Variants in ANKRD54 observed in about 807,000 individuals in gnomAD.
The protein encoded by ANKRD54 is ankyrin repeat domain-containing protein 54.
In ANKRD54, 26 loss-of-function variants were observed where a neutral mutation model predicts 36.2. The observed-to-expected ratio is 0.72, with a 90% CI of 0.53 to 1.00. The LOEUF (loss-of-function observed/expected upper bound fraction) is 1.00. Among genes scored for constraint, ANKRD54 ranks in the 50% least tolerant of loss-of-function variants. ANKRD54 has a pLI of 0.00. For synonymous variants in ANKRD54, 209 were observed against 188.4 expected, an observed-to-expected ratio of 1.11 and a Z score of -0.89; for missense variants, 384 against 424.3, an observed-to-expected ratio of 0.91 and a Z score of 0.83.
intron 1 of ANKRD54, among the ~76,000 whole-genome samples, chr22:37,841,635 G>T (rs1027964757): frequency 6.6e-6 from 1 of 151,870 alleles, no homozygotes. Context: ...GGATCACGAG[G>T]TCAGGAGTTT....
chr22:37,835,572 C>A (rs886262970), intron 3 of ANKRD54, among the ~76,000 whole-genome samples: 2 of 152,228 alleles, frequency 1.3e-5, no homozygotes, highest in Admixed American at 1.3e-4. Context: ...TTTGGGAGGC[C>A]AAGGTGACAG....
At chr22:37,840,749 G>A (rs1323411704) in intron 1 of ANKRD54, among the ~76,000 whole-genome samples, 1 of 151,464 alleles carries the variant, frequency 6.6e-6, no homozygotes, top group East Asian at 2.0e-4. Context: ...TTAGCCGGGT[G>A]TGGTGCACAT....
chr22:37,839,432 G>A (rs1166736897), intron 2 of ANKRD54, among the ~76,000 whole-genome samples: 1 of 152,102 alleles, frequency 6.6e-6, no homozygotes, highest in Admixed American at 6.6e-5. Context: ...CTGTCGCGCA[G>A]GCTAGAGTGC....
chr22:37,846,274 T>C (rs921181329), upstream of ANKRD54, among the ~76,000 whole-genome samples: 1 of 152,172 alleles, frequency 6.6e-6, no homozygotes, highest in African/African-American at 2.4e-5. Context: ...CATTGTACTA[T>C]ATGGAAAAAA....
intron 1 of ANKRD54, among the ~76,000 whole-genome samples, chr22:37,842,284 G>A (rs534748809): frequency 1.4e-4 from 21 of 152,266 alleles, no homozygotes; most frequent in African/African-American, 4.8e-4. Context: ...AGTGCCCTGG[G>A]AACAAGGAGA....
upstream of ANKRD54, chr22:37,849,339 A>G (rs768890968): frequency 7.1e-7 from 1 of 1,412,438 alleles, no homozygotes; most frequent in Admixed American, 1.7e-5. Context: ...AGGCCTCGGA[A>G]AGGCTTCCGG....
Position 37,838,518 on chromosome 22 carries a change from T to C in ANKRD54, c.457A>G (p.Asn153Asp). Residue 153 changes from asparagine to aspartate, a missense_variant, in exon 3 of 8, where the codon AAT (asparagine) becomes GAT (aspartate). Coordinates refer to ENST00000215941, the MANE Select transcript of ANKRD54 (RefSeq NM_138797.4). ...GACTCACCAATCTGGTCATTGCCATTGCATGAGGCAAAGTGTAGAGCTGTG... is the reference window on the plus strand; with the variant it reads ...GACTCACCAATCTGGTCATTGCCATCGCATGAGGCAAAGTGTAGAGCTGTG... ...GRTALHFASCNGNDQIVQLLL... is the reference protein window; with the variant it reads ...GRTALHFASCDGNDQIVQLLL... 1 of 1,612,424 alleles carries C rather than the reference T, an allele frequency of 6.2e-7. No individual in the cohort carries two copies. The highest frequency in any genetic ancestry group is 8.5e-7 in the Non-Finnish European group (1 of 1,179,372).
chr22:37,838,134 C>CAA (rs879514156), intron 3 of ANKRD54, among the ~76,000 whole-genome samples: 9 of 135,828 alleles, frequency 6.6e-5, no homozygotes, highest in African/African-American at 1.9e-4. Context: ...GACTCCATCT[C>CAA]AAAAAAAAAA....
At chr22:37,840,310 G>A in intron 1 of ANKRD54, 76 bp from the exon 2 acceptor site, 1 of 1,540,764 alleles carries the variant, frequency 6.5e-7, no homozygotes. Flanking sequence ...TATAATCCCA[G>A]CACTCTGGGA....
intron 1 of ANKRD54, among the ~76,000 whole-genome samples, chr22:37,843,294 G>A (rs940834598): frequency 3.9e-5 from 6 of 152,046 alleles, no homozygotes; most frequent in Admixed American, 6.6e-5. Flanking sequence ...TTGGTAGTGG[G>A]CGCCTGTAAC....
intron 3 of ANKRD54, among the ~76,000 whole-genome samples, chr22:37,837,846 C>T (rs901572742): frequency 4.0e-5 from 6 of 151,746 alleles, no homozygotes; most frequent in Non-Finnish European, 5.9e-5. Flanking sequence ...AAAAATTAAC[C>T]GGTGTGGCCG....
intron 3 of ANKRD54, among the ~76,000 whole-genome samples, chr22:37,838,063 A>C (rs1601726732): frequency 6.6e-6 from 1 of 151,830 alleles, no homozygotes; most frequent in African/African-American, 2.4e-5. Flanking sequence ...TGAACCCGGG[A>C]GGCAGAGCTT....
rs1392157138 is a variant in ANKRD54 at position 37,831,339 on chromosome 22, G to T, written c.*604C>A. 1 of 152,444 alleles carries T rather than the reference G, an allele frequency of 6.6e-6. No individual in the cohort carries two copies. The highest frequency in any genetic ancestry group is 2.4e-5 in the African/African-American group (1 of 41,434). The allele number at this position is 152,444 out of a possible 1,614,324, so 9.4% of individuals were successfully genotyped here. ...GGTGTTTCAATGACTGGGAGGAAAA[G>T]GGTTGGAATTTTTTGCTTTGGGGTC... On this transcript the variant is annotated 3_prime_UTR_variant, in exon 8 of 8. Coordinates refer to ENST00000215941, the MANE Select transcript of ANKRD54 (RefSeq NM_138797.4).
chr22:37,831,787 A>T lies in ANKRD54; in HGVS notation c.*156T>A. On this transcript the variant is annotated 3_prime_UTR_variant, in exon 8 of 8. Coordinates refer to ENST00000215941, the MANE Select transcript of ANKRD54 (RefSeq NM_138797.4). Reference sequence around the variant, plus strand: ...GCTGGGAGTGGCTCTGAGGCCGTGGAGAGAGAGCATCTCTGCCCCACGGCA... The same window carrying T: ...GCTGGGAGTGGCTCTGAGGCCGTGGTGAGAGAGCATCTCTGCCCCACGGCA... The T allele has an allele frequency of 1.5e-6, 1 of 680,472 alleles. No homozygotes were observed. The highest frequency in any genetic ancestry group is 2.5e-6 in the Non-Finnish European group (1 of 406,922). 42.2% of individuals were successfully genotyped at this position (680,472 alleles called of 1,614,324 possible).
chr22:37,841,559 A>C (rs572566208), intron 1 of ANKRD54, among the ~76,000 whole-genome samples: 1,826 of 147,780 alleles, frequency 0.012, 24 homozygotes, highest in Non-Finnish European at 0.016. Context: ...CACACACACA[A>C]AAAACATAGG....
intron 3 of ANKRD54, chr22:37,834,424 G>A (rs1446280888): frequency 6.6e-6 from 1 of 152,168 alleles, no homozygotes; most frequent in Non-Finnish European, 1.5e-5. Context: ...CCAGGCATGG[G>A]AGCTCAGGCC....
At chr22:37,841,148 T>C (rs1215481972) in intron 1 of ANKRD54, among the ~76,000 whole-genome samples, 1 of 150,256 alleles carries the variant, frequency 6.7e-6, no homozygotes, top group Non-Finnish European at 1.5e-5. Context: ...TCCCGGTACT[T>C]TGGGAGGCCA....
rs556378295 is a variant in ANKRD54 at position 37,832,603 on chromosome 22, A to G, written c.828+34T>C. 45 of 1,602,846 alleles carry G rather than the reference A, an allele frequency of 2.8e-5. No individual in the cohort carries two copies. In the African/African-American group the frequency reaches 5.6e-4, roughly 20 times the overall value. On this transcript the variant is annotated intron_variant, in intron 7 of 7. Coordinates refer to ENST00000215941, the MANE Select transcript of ANKRD54 (RefSeq NM_138797.4). ...GTGGACTGGCCCTGAGGCTCCTGCC[A>G]GGCCCTGGGTCTGGGCCTGTGGCTG...
rs1924595473 is a variant in ANKRD54 at position 37,843,861 on chromosome 22, C to G, written c.328+50G>C. On this transcript the variant is annotated intron_variant, in intron 1 of 7. Coordinates refer to ENST00000215941, the MANE Select transcript of ANKRD54 (RefSeq NM_138797.4). Reference sequence around the variant, plus strand: ...CCACTGGTCCTCTGAGGCCCCGCCCCTCGCCCGGGCTGCCCCGCCCCGGGC... The same window carrying G: ...CCACTGGTCCTCTGAGGCCCCGCCCGTCGCCCGGGCTGCCCCGCCCCGGGC... 1.1e-5 allele frequency: 13 copies of G among 1,178,284 alleles called. No homozygotes were observed. The South Asian group carries it at 3.8e-4, about 34-fold the overall frequency. 73.0% of individuals were successfully genotyped at this position (1,178,284 alleles called of 1,614,324 possible).
Sources: gnomAD v4.1 joint callset for allele counts (sites outside exome capture counted in the v4.1 genomes callset) on GRCh38, gnomAD v4.1.1 for gene constraint, MANE v1.5 for transcripts, NCBI Gene and HGNC (gene_info 2026-07-23, HGNC 2026-07-21) for gene names.